CAPN2: variants seen among roughly 807,000 people sequenced by gnomAD.
CAPN2 encodes calpain 2, also known as calpain-2 catalytic subunit.
Under a neutral mutation model 102.3 loss-of-function variants are expected in CAPN2, and 92 were observed. The ratio of observed to expected loss-of-function variants is 0.90; its 90% CI spans 0.76 to 1.07. CAPN2 has a LOEUF of 1.07. Ranked by LOEUF, CAPN2 falls within the 50% of genes least tolerant of loss-of-function variation. CAPN2 has a pLI of 0.00. For missense variants in CAPN2, 800 were observed against 909.4 expected (o/e 0.88, Z 1.55); for synonymous variants, 340 against 355.4 (o/e 0.96, Z 0.49).
At chr1:223,704,556 C>T (rs1406224240) in intron 1 of CAPN2, among the ~76,000 whole-genome samples, 1 of 152,186 alleles carries the variant, frequency 6.6e-6, no homozygotes, top group Non-Finnish European at 1.5e-5. Context: ...AGACACTTGT[C>T]TCAGACCCAC....
At chr1:223,766,959 CA>C (rs763808349) in intron 16 of CAPN2, among the ~76,000 whole-genome samples, 2,748 of 127,508 alleles carry the variant, frequency 0.022, 72 homozygotes, top group African/African-American at 0.068. Flanking sequence ...GACTCATCGC[CA>C]AAAAAAAAAA....
intron 2 of CAPN2, among the ~76,000 whole-genome samples, chr1:223,729,452 A>C (rs1477209487): frequency 1.3e-5 from 2 of 152,206 alleles, no homozygotes; most frequent in Non-Finnish European, 2.9e-5. Context: ...GTTTATTCTG[A>C]GCCAAATATG....
intron 2 of CAPN2, among the ~76,000 whole-genome samples, chr1:223,733,880 G>C (rs887336744): frequency 6.6e-6 from 1 of 152,216 alleles, no homozygotes. Context: ...ATGAATACAG[G>C]AATGCTCATC....
intron 11 of CAPN2, chr1:223,758,346 A>G (rs1297988718): frequency 1.3e-5 from 2 of 152,176 alleles, no homozygotes; most frequent in African/African-American, 4.8e-5. Context: ...CCTGTAGTAC[A>G]TTTCTTTCAC....
At chr1:223,711,876 T>C (rs538197148), upstream of CAPN2, among the ~76,000 whole-genome samples, 1 of 152,310 alleles carries the variant, frequency 6.6e-6, no homozygotes, top group East Asian at 1.9e-4. Flanking sequence ...GGATTACAGG[T>C]GTGAACTACC....
At chr1:223,763,674 G>C (rs1277097677) in intron 14 of CAPN2, among the ~76,000 whole-genome samples, 3 of 152,190 alleles carry the variant, frequency 2.0e-5, no homozygotes, top group African/African-American at 7.2e-5. Context: ...TGGTATAAGA[G>C]AATTAAGAAA....
rs12751103 is a variant in CAPN2, at chr1:223,755,087, C to T, written c.1136-393C>T. Among the ~76,000 whole-genome samples, 3 of 152,176 alleles carry T rather than the reference C, an allele frequency of 2.0e-5. No individual in the cohort carries two copies. Among genetic ancestry groups the T allele is most frequent in the African/African-American group, 7.2e-5 (3 of 41,430 alleles). ...TCTCTCCACAGCTACCGTCACCCGT[C>T]TCCAGCCTAACAAAGCCTGCAGTCC... On this transcript the variant is annotated intron_variant, in intron 9 of 20. Coordinates refer to ENST00000295006, the MANE Select transcript of CAPN2 (RefSeq NM_001748.5). The surrounding 1 kb of genome is among the most constrained non-coding windows in gnomAD (Gnocchi z 4.1).
chr1:223,749,103 C>T lies in CAPN2; in HGVS notation c.794C>T (p.Ser265Leu). 2 of 1,614,068 alleles carry T rather than the reference C, an allele frequency of 1.2e-6. No homozygotes were observed. Among genetic ancestry groups the T allele is most frequent in the South Asian group, 1.1e-5 (1 of 91,088 alleles). The change falls in exon 6 of 21, where the codon TCG (serine) becomes TTG (leucine). Residue 265 changes from serine to leucine, a missense_variant. Transcript: ENST00000295006. ...AAGCTGGTGAAGGGGCACGCGTACT[C>T]GGTCACCGGAGCCGAGGAGGTAACG... is the stretch of plus-strand genomic sequence containing the variant. ...FQKLVKGHAY[S>L]VTGAEEVESN...
chr1:223,704,014 G>A (rs561518288), intron 1 of CAPN2, among the ~76,000 whole-genome samples: 19 of 152,246 alleles, frequency 1.2e-4, no homozygotes, highest in Non-Finnish European at 2.5e-4. Flanking sequence ...AACTAGGCCA[G>A]CCGTGGTGGC....
chr1:223,761,728 G>A, intron 13 of CAPN2, 111 bp downstream of exon 13: 1 of 869,500 alleles, frequency 1.2e-6, no homozygotes, highest in Non-Finnish European at 1.9e-6. Context: ...CTGAAACTAA[G>A]GATAAAGCCG....
chr1:223,721,081 T>C (rs1029793579), intron 2 of CAPN2, among the ~76,000 whole-genome samples: 4 of 152,176 alleles, frequency 2.6e-5, no homozygotes, highest in African/African-American at 9.6e-5. Context: ...ACACCCACGC[T>C]CCTTCCCAGA....
chr1:223,773,625 C>T (rs570316837), intron 20 of CAPN2, among the ~76,000 whole-genome samples: 2 of 152,046 alleles, frequency 1.3e-5, no homozygotes, highest in East Asian at 1.9e-4. Flanking sequence ...ACCCGGGAGG[C>T]GGAGGTTGCG....
intron 2 of CAPN2, among the ~76,000 whole-genome samples, chr1:223,728,521 A>G (rs1379173998): frequency 6.6e-6 from 1 of 152,192 alleles, no homozygotes; most frequent in Non-Finnish European, 1.5e-5. Context: ...ATGAAGGCTC[A>G]CCCAGGATCA....
intron 1 of CAPN2, among the ~76,000 whole-genome samples, chr1:223,706,899 G>A (rs753236496): frequency 1.3e-4 from 19 of 151,964 alleles, no homozygotes; most frequent in Non-Finnish European, 2.1e-4. Flanking sequence ...GGACAACATG[G>A]CGAAACCCCG....
At chr1:223,715,543 C>G (rs1659855118) in intron 1 of CAPN2, among the ~76,000 whole-genome samples, 1 of 152,088 alleles carries the variant, frequency 6.6e-6, no homozygotes. Flanking sequence ...AGCTGCTCTT[C>G]CTCGGAGAGA....
At chr1:223,762,708 T>G (rs977815121) in intron 14 of CAPN2, among the ~76,000 whole-genome samples, 2 of 152,128 alleles carry the variant, frequency 1.3e-5, no homozygotes, top group African/African-American at 2.4e-5. Context: ...AGAGACAGGG[T>G]CTCTCTCTGT....
In CAPN2 at chr1:223,744,807, C is replaced by T. The variant is rs540941305; in HGVS notation, c.427-499C>T. Among the ~76,000 whole-genome samples the T allele has an allele frequency of 5.1e-4, 78 of 151,724 alleles. 1 individual carries two copies. The highest frequency in any genetic ancestry group is 1.7e-3 in the Admixed American group (26 of 15,240). ...ACCTGGGAGGCAGAGGTTGGGAGGC[C>T]AAGGTGGGTGGATCACTTGAGCCCA... On this transcript the variant is annotated intron_variant, in intron 3 of 20. Transcript: ENST00000295006.
chr1:223,707,079 C>CAAAAAAAAAAAA (rs34249886), intron 1 of CAPN2, among the ~76,000 whole-genome samples: 1 of 80,934 alleles, frequency 1.2e-5, no homozygotes. Context: ...GACTCCACCT[C>CAAAAAAAAAAAA]AAAAAAAAAA....
intron 14 of CAPN2, among the ~76,000 whole-genome samples, chr1:223,762,707 GTCTC>G (rs1368176169): frequency 2.6e-5 from 4 of 151,978 alleles, no homozygotes; most frequent in East Asian, 3.9e-4. Context: ...TAGAGACAGG[GTCTC>G]TCTCTGTCAC....
Sources: allele counts gnomAD v4.1 joint callset (sites outside exome capture counted in the v4.1 genomes callset), GRCh38; gene constraint gnomAD v4.1.1; non-coding constraint Gnocchi (gnomAD v3.1); transcripts MANE v1.5; gene names NCBI Gene and HGNC (gene_info 2026-07-23, HGNC 2026-07-21).